Variants in DAB1 observed in about 807,000 individuals in gnomAD.
DAB1 encodes the protein DAB adaptor protein 1.
Under a neutral mutation model 64.6 loss-of-function variants are expected in DAB1, and 15 were observed. The observed-to-expected ratio is 0.23, with a 90% confidence interval of 0.16 to 0.36. The LOEUF (loss-of-function observed/expected upper bound fraction) is 0.36, where lower values mean the gene tolerates loss of function less well. DAB1 is among the 10% of genes least tolerant of loss of function. DAB1 has a pLI of 1.00. For synonymous variants in DAB1, 235 were observed against 251.9 expected, an observed-to-expected ratio of 0.93 and a Z score of 0.64; for missense variants, 596 against 706.7, an observed-to-expected ratio of 0.84 and a Z score of 1.78.
At chr1:58,240,152 C>T (rs1253532840) in intron 4 of DAB1, among the ~76,000 whole-genome samples, 3 of 152,158 alleles carry the variant, frequency 2.0e-5, no homozygotes, top group African/African-American at 7.2e-5. Flanking sequence ...CCCATTCTTC[C>T]CACATTCCAA....
intron 3 of DAB1, among the ~76,000 whole-genome samples, chr1:58,495,438 CT>C (rs1387190706): frequency 2.6e-5 from 4 of 151,696 alleles, no homozygotes; most frequent in African/African-American, 9.7e-5. Context: ...TAATACATTC[CT>C]TTTTTTAGGA....
At chr1:57,313,974 A>G (rs1674964529) in intron 1 of DAB1, among the ~76,000 whole-genome samples, 1 of 152,170 alleles carries the variant, frequency 6.6e-6, no homozygotes, top group Admixed American at 6.5e-5. Context: ...TGGAGCCTTG[A>G]TCTTGGACCT....
At chr1:58,489,495 G>A (rs536984976) in intron 3 of DAB1, among the ~76,000 whole-genome samples, 42 of 152,318 alleles carry the variant, frequency 2.8e-4, no homozygotes, top group African/African-American at 9.4e-4. Flanking sequence ...CTGCCTGCCT[G>A]TGTAGACTCC....
At chr1:58,053,039 A>G (rs1198661659) in intron 5 of DAB1, among the ~76,000 whole-genome samples, 2 of 152,184 alleles carry the variant, frequency 1.3e-5, no homozygotes, top group East Asian at 1.9e-4. Flanking sequence ...GCTTTTTTAA[A>G]CAATAAGCGT....
intron 2 of DAB1, among the ~76,000 whole-genome samples, chr1:57,201,557 C>T (rs115645476): frequency 3.3e-5 from 5 of 151,892 alleles, no homozygotes; most frequent in African/African-American, 2.4e-5. Flanking sequence ...GCCCTATTTA[C>T]GATTTGATGT....
chr1:57,482,759 C>T (rs951150653), intron 7 of DAB1, among the ~76,000 whole-genome samples: 2 of 152,206 alleles, frequency 1.3e-5, no homozygotes, highest in African/African-American at 4.8e-5. Flanking sequence ...CAATACTTCA[C>T]TGGATTCTTG....
chr1:57,927,093 A>C (rs1202762), intron 5 of DAB1, among the ~76,000 whole-genome samples: 23,855 of 152,122 alleles, frequency 0.16, 2,718 homozygotes, highest in African/African-American at 0.32. Flanking sequence ...CAGTCTCCTT[A>C]TCTGTCAAAT....
intron 2 of DAB1, among the ~76,000 whole-genome samples, chr1:57,186,537 A>C (rs1036106789): frequency 2.0e-5 from 3 of 152,260 alleles, no homozygotes; most frequent in Non-Finnish European, 4.4e-5. Context: ...GCTAATAATA[A>C]GGCACAGGCC....
At chr1:57,341,185 C>T (rs1677549954) in intron 1 of DAB1, among the ~76,000 whole-genome samples, 1 of 152,122 alleles carries the variant, frequency 6.6e-6, no homozygotes. Flanking sequence ...AGTCCAATCT[C>T]AAAATCTATG....
chr1:57,760,621 CACACACACACACACACACACAG>C (rs1295690912), intron 6 of DAB1, among the ~76,000 whole-genome samples: 601 of 47,510 alleles, frequency 0.013, 2 homozygotes, highest in Non-Finnish European at 0.016. Flanking sequence ...CTCTCTCTCT[CACACACACACACACACACACAG>C]ACACACACAC....
chr1:57,191,036 C>T (rs1664076374), intron 2 of DAB1, among the ~76,000 whole-genome samples: 1 of 152,138 alleles, frequency 6.6e-6, no homozygotes, highest in Non-Finnish European at 1.5e-5. Context: ...AGCTATACTG[C>T]CTCACAGGAT....
In DAB1 at chr1:57,145,311, T is replaced by C. The variant is rs1354892233; in HGVS notation, c.186A>G (p.Gln62=). ...GCACCTTGAGTTTCATCATGGAATC[T>C]TGACATAACTTGTCTCCCCGAGCTG... is the stretch of plus-strand genomic sequence containing the variant. ...VSAARGDKLC[Q]DSMMKLKGVV... is the part of the protein sequence containing the mutation. Residue 62 remains glutamine (Q), a synonymous_variant, in exon 3 of 15, where the codon CAA becomes CAG. Coordinates refer to ENST00000371236, the MANE Select transcript of DAB1 (RefSeq NM_001365792.1). The C allele has an allele frequency of 1.9e-6, 3 of 1,614,012 alleles. No individual in the cohort carries two copies. The highest frequency in any genetic ancestry group is 1.3e-5 in the African/African-American group (1 of 74,944).
At chr1:57,692,242 G>A (rs1646772831) in intron 6 of DAB1, among the ~76,000 whole-genome samples, 1 of 152,084 alleles carries the variant, frequency 6.6e-6, no homozygotes, top group Admixed American at 6.6e-5. Context: ...TCTGAGGCTA[G>A]TCCCGCTTCT....
chr1:58,346,986 T>C (rs1246769525), intron 3 of DAB1, among the ~76,000 whole-genome samples: 1 of 152,224 alleles, frequency 6.6e-6, no homozygotes, highest in Non-Finnish European at 1.5e-5. Context: ...GCCTCAACTG[T>C]ATGGTCCATT....
chr1:57,642,726 T>G (rs1646144997), intron 7 of DAB1, among the ~76,000 whole-genome samples: 1 of 152,226 alleles, frequency 6.6e-6, no homozygotes, highest in Non-Finnish European at 1.5e-5. Context: ...TTCCTTCATT[T>G]TGAATAGGAT....
intron 1 of DAB1, among the ~76,000 whole-genome samples, chr1:57,410,353 G>A (rs770777072): frequency 6.6e-6 from 1 of 152,160 alleles, no homozygotes; most frequent in Non-Finnish European, 1.5e-5. Flanking sequence ...CAAGTATAAA[G>A]GGCATGAAAG....
At chr1:57,697,641 A>G (rs2101725696) in intron 6 of DAB1, among the ~76,000 whole-genome samples, 1 of 152,282 alleles carries the variant, frequency 6.6e-6, no homozygotes, top group South Asian at 2.1e-4. Context: ...AGGAAAATTA[A>G]GAAGAAATTG....
At chr1:57,287,162 C>T (rs1180330028) in intron 2 of DAB1, among the ~76,000 whole-genome samples, 1 of 152,238 alleles carries the variant, frequency 6.6e-6, no homozygotes, top group Non-Finnish European at 1.5e-5. Flanking sequence ...AACTCCAATT[C>T]ATGGGCTCAA....
At chr1:57,367,800 C>G (rs1349150692) in intron 1 of DAB1, among the ~76,000 whole-genome samples, 1 of 152,116 alleles carries the variant, frequency 6.6e-6, no homozygotes, top group African/African-American at 2.4e-5. Context: ...GGCTGCAGAC[C>G]CAGGCCTCCT....
Sources: allele counts gnomAD v4.1 joint callset (sites outside exome capture counted in the v4.1 genomes callset), GRCh38; gene constraint gnomAD v4.1.1; transcripts MANE v1.5; gene names NCBI Gene and HGNC (gene_info 2026-07-23, HGNC 2026-07-21).